Variants in CTNNA3 observed in about 807,000 individuals in gnomAD.
The protein encoded by CTNNA3 is catenin alpha 3, also known as catenin alpha-3.
A neutral mutation model predicts 95.7 loss-of-function variants in CTNNA3; 76 were observed. The observed-to-expected ratio is 0.79, with a 90% confidence interval of 0.66 to 0.96. CTNNA3 has a LOEUF of 0.96. Among genes scored for constraint, CTNNA3 ranks in the 40% least tolerant of loss-of-function variants. CTNNA3 has a pLI of 0.00. For synonymous variants in CTNNA3, 431 were observed against 374.4 expected, an observed-to-expected ratio of 1.15 and a Z score of -1.74; for missense variants, 1,191 against 1,089.8, an observed-to-expected ratio of 1.09 and a Z score of -1.31.
At chr10:66,363,564 C>A (rs1034044371) in intron 12 of CTNNA3, among the ~76,000 whole-genome samples, 1 of 152,216 alleles carries the variant, frequency 6.6e-6, no homozygotes, top group African/African-American at 2.4e-5. Flanking sequence ...ATTGCTTAAT[C>A]CACTACTCCA....
intron 9 of CTNNA3, among the ~76,000 whole-genome samples, chr10:66,760,741 G>A (rs552781278): frequency 6.6e-6 from 1 of 152,206 alleles, no homozygotes; most frequent in East Asian, 1.9e-4. Context: ...CGTGCATTTG[G>A]TTAGGCTTTT....
intron 3 of CTNNA3, among the ~76,000 whole-genome samples, chr10:67,584,371 T>C (rs2133330006): frequency 6.6e-6 from 1 of 152,314 alleles, no homozygotes; most frequent in South Asian, 2.1e-4. Flanking sequence ...CAGTGGAGGC[T>C]ACAGAGCAGC....
intron 7 of CTNNA3, among the ~76,000 whole-genome samples, chr10:66,777,761 C>A (rs1840362870): frequency 1.0e-5 from 1 of 96,216 alleles, no homozygotes; most frequent in Admixed American, 1.0e-4. Flanking sequence ...AAGAGACCTC[C>A]TACACACACA....
intron 4 of CTNNA3, among the ~76,000 whole-genome samples, chr10:67,537,260 T>G (rs1589401598): frequency 6.6e-6 from 1 of 152,218 alleles, no homozygotes; most frequent in Non-Finnish European, 1.5e-5. Flanking sequence ...AAAGCTGTTC[T>G]AACCATTAGA....
intron 17 of CTNNA3, among the ~76,000 whole-genome samples, chr10:65,959,467 C>T (rs557978528): frequency 5.2e-4 from 79 of 152,296 alleles, no homozygotes; most frequent in Admixed American, 5.2e-4. Context: ...TCTTCTGTAT[C>T]GCTCATGCTG....
At chr10:67,416,842 T>C (rs1466387472) in intron 5 of CTNNA3, among the ~76,000 whole-genome samples, 1 of 152,098 alleles carries the variant, frequency 6.6e-6, no homozygotes, top group Non-Finnish European at 1.5e-5. Context: ...TATACTCTGC[T>C]GGTGGGAATG....
chr10:67,640,208 TAACA>T (rs753661569), intron 2 of CTNNA3, among the ~76,000 whole-genome samples: 45 of 152,156 alleles, frequency 3.0e-4, no homozygotes, highest in African/African-American at 1.0e-3. Flanking sequence ...TATACACCAA[TAACA>T]AACAAACAGA....
chr10:67,406,267 G>T (rs1845135566), intron 5 of CTNNA3, among the ~76,000 whole-genome samples: 1 of 152,060 alleles, frequency 6.6e-6, no homozygotes, highest in South Asian at 2.1e-4. Flanking sequence ...CATCATAGCA[G>T]CATGAAAACA....
chr10:66,936,157 G>C (rs1352297104), intron 7 of CTNNA3, among the ~76,000 whole-genome samples: 1 of 151,982 alleles, frequency 6.6e-6, no homozygotes, highest in Non-Finnish European at 1.5e-5. Flanking sequence ...TATTTTTATG[G>C]GCTTTACTCT....
Position 67,338,328 on chromosome 10 carries a change from G to A in CTNNA3, c.580-118458C>T, listed in dbSNP as rs1311464865. ...GGTGCCATATACTTTTAAACAATCA[G>A]ATCTCATATGAACTCAAAGCAAGAA... On this transcript the variant is annotated intron_variant, in intron 5 of 17. Transcript: ENST00000433211. 3.3e-5 allele frequency among the ~76,000 whole-genome samples: 5 copies of A among 151,998 alleles called. No individual in the cohort carries two copies. The South Asian group carries it at 1.0e-3, about 32-fold the overall frequency.
chr10:66,265,547 A>G (rs749563892), intron 13 of CTNNA3, among the ~76,000 whole-genome samples: 2 of 152,002 alleles, frequency 1.3e-5, no homozygotes, highest in African/African-American at 2.4e-5. Context: ...CTAAACTCTT[A>G]CCACTCTACT....
chr10:66,446,861 A>C (rs1048413840), intron 11 of CTNNA3, among the ~76,000 whole-genome samples: 14 of 152,162 alleles, frequency 9.2e-5, no homozygotes, highest in African/African-American at 3.4e-4. Flanking sequence ...AGGGTATTCA[A>C]TTAGGAAAAG....
chr10:67,145,954 C>T (rs941411816), intron 7 of CTNNA3, among the ~76,000 whole-genome samples: 2 of 152,038 alleles, frequency 1.3e-5, no homozygotes, highest in African/African-American at 4.8e-5. Context: ...AGAAGGTTTG[C>T]TAGGAGAAAA....
At chr10:66,350,079 T>A (rs1177909384) in intron 12 of CTNNA3, among the ~76,000 whole-genome samples, 2 of 152,138 alleles carry the variant, frequency 1.3e-5, no homozygotes, top group Non-Finnish European at 2.9e-5. Context: ...AAAGGATTAT[T>A]CTGTGATTTT....
intron 4 of CTNNA3, among the ~76,000 whole-genome samples, chr10:67,531,422 A>T (rs1263939506): frequency 6.6e-6 from 1 of 152,142 alleles, no homozygotes; most frequent in Non-Finnish European, 1.5e-5. Flanking sequence ...GTCAAAGGAG[A>T]TCATTTTGGA....
At chr10:67,117,675 A>G (rs549063689) in intron 7 of CTNNA3, among the ~76,000 whole-genome samples, 1 of 152,070 alleles carries the variant, frequency 6.6e-6, no homozygotes, top group Non-Finnish European at 1.5e-5. Flanking sequence ...TGCAAATTCA[A>G]TTATAAAGCC....
chr10:66,381,911 G>C (rs1418586663), intron 11 of CTNNA3, among the ~76,000 whole-genome samples: 2 of 152,096 alleles, frequency 1.3e-5, no homozygotes, highest in African/African-American at 4.8e-5. Context: ...TTTTTAAGAA[G>C]TCCACAGATG....
chr10:67,418,887 G>A (rs527413230), intron 5 of CTNNA3, among the ~76,000 whole-genome samples: 23 of 152,118 alleles, frequency 1.5e-4, no homozygotes, highest in Non-Finnish European at 2.6e-4. Flanking sequence ...AATATATGAG[G>A]TAATGAATAT....
chr10:66,593,508 T>G (rs1192571383), intron 10 of CTNNA3, among the ~76,000 whole-genome samples: 1 of 152,202 alleles, frequency 6.6e-6, no homozygotes, highest in East Asian at 1.9e-4. Flanking sequence ...CCTCAATATT[T>G]GCATTTCTAA....
Sources: allele counts gnomAD v4.1 joint callset (sites outside exome capture counted in the v4.1 genomes callset), GRCh38; gene constraint gnomAD v4.1.1; transcripts MANE v1.5; gene names NCBI Gene and HGNC (gene_info 2026-07-23, HGNC 2026-07-21).